KDM4B: variants seen among roughly 807,000 people sequenced by gnomAD.
The protein encoded by KDM4B is lysine demethylase 4B, also known as lysine-specific demethylase 4B.
In KDM4B, 32 loss-of-function variants were observed where a neutral mutation model predicts 125.2. That is an observed-to-expected ratio of 0.26 (90% confidence interval 0.19 to 0.34). KDM4B has a LOEUF of 0.34. Ranked by LOEUF, KDM4B falls within the 10% of genes least tolerant of loss-of-function variation. The pLI is 1.00. For missense variants in KDM4B, 1,190 were observed against 1,577.7 expected (o/e 0.75, Z 4.16); for synonymous variants, 721 against 677.9 (o/e 1.06, Z -0.99).
chr19:5,123,753 G>A lies in KDM4B; in HGVS notation c.1315+3901G>A, dbSNP rs141493093. ...CAAGCTGGGCGCCTGAGCATGGGTC[G>A]TGCTGGTAGAGGATAAGTTCCTGGG... On this transcript the variant is annotated intron_variant, in intron 11 of 22. Coordinates refer to ENST00000159111, the MANE Select transcript of KDM4B (RefSeq NM_015015.3). Among the ~76,000 whole-genome samples the A allele has an allele frequency of 1.6e-3, 242 of 152,358 alleles. 1 individual carries two copies. Among genetic ancestry groups the A allele is most frequent in the African/African-American group, 5.6e-3 (234 of 41,584 alleles).
intron 21 of KDM4B, among the ~76,000 whole-genome samples, chr19:5,148,609 G>A (rs986699967): frequency 6.6e-6 from 1 of 152,214 alleles, no homozygotes; most frequent in Non-Finnish European, 1.5e-5. Flanking sequence ...GTGGGCCCTG[G>A]GACTCCTGCA....
intron 11 of KDM4B, among the ~76,000 whole-genome samples, chr19:5,127,173 A>C (rs2049792608): frequency 6.6e-6 from 1 of 152,152 alleles, no homozygotes; most frequent in Non-Finnish European, 1.5e-5. Flanking sequence ...CCTGGGCCCC[A>C]TCTGTACCAT....
intron 13 of KDM4B, 144 bp downstream of exon 13, chr19:5,132,151 C>A: frequency 1.9e-6 from 2 of 1,070,156 alleles, no homozygotes; most frequent in Non-Finnish European, 2.6e-6. Flanking sequence ...TGTGGCTCTG[C>A]CGTAGCGACA....
chr19:5,090,809 C>T (rs990321172), intron 9 of KDM4B, among the ~76,000 whole-genome samples: 9 of 151,114 alleles, frequency 6.0e-5, no homozygotes, highest in Admixed American at 2.0e-4. Flanking sequence ...TTCCCTTGCC[C>T]CACTTGGAGG....
rs372759986 is a variant in KDM4B at position 5,115,998 on chromosome 19, C to G, written c.1116-3655C>G. 4.6e-5 allele frequency among the ~76,000 whole-genome samples: 7 copies of G among 152,032 alleles called. No individual in the cohort carries two copies. Among genetic ancestry groups the G allele is most frequent in the African/African-American group, 1.7e-4 (7 of 41,402 alleles). On this transcript the variant is annotated intron_variant, in intron 10 of 22. Transcript: ENST00000159111. This position sits in a 1 kb window ranked among gnomAD's most constrained non-coding sequence, Gnocchi z 4.2. ...TTAAAAAGTCCACCAGAAAGTCCGC[C>G]CAAGAATGGAAATTACCCAAACCAC...
chr19:5,005,027 C>T (rs933161759), intron 1 of KDM4B, among the ~76,000 whole-genome samples: 5 of 152,218 alleles, frequency 3.3e-5, no homozygotes, highest in African/African-American at 7.2e-5. Context: ...TGTGTAGCGT[C>T]TTCCTTTTCT....
chr19:5,137,202 A>T (rs1041690986), intron 15 of KDM4B, 60 bp from the exon 16 acceptor site: 3 of 1,309,694 alleles, frequency 2.3e-6, no homozygotes, highest in Non-Finnish European at 3.2e-6. Context: ...CCTGAGTTTC[A>T]CTCGGCTCCC....
At chr19:5,055,939 C>T (rs892990476) in intron 6 of KDM4B, among the ~76,000 whole-genome samples, 8 of 152,168 alleles carry the variant, frequency 5.3e-5, no homozygotes, top group Non-Finnish European at 7.3e-5. Flanking sequence ...AACACTGATG[C>T]GTTATGAACT....
At position 5,093,810 on chromosome 19, in the gene KDM4B, A is replaced by G. The variant is rs368408620; in HGVS notation, c.918+11306A>G. On this transcript the variant is annotated intron_variant, in intron 9 of 22. Transcript: ENST00000159111. ...TGCTGGGAAGGCAGTGGATGAGGCC[A>G]TCGAGGTCCAGGGAGGAGACAGGAC... 2.4e-3 allele frequency among the ~76,000 whole-genome samples: 361 copies of G among 152,316 alleles called. 2 individuals are homozygous for G. Among genetic ancestry groups the G allele is most frequent in the African/African-American group, 8.2e-3 (340 of 41,578 alleles).
chr19:5,067,166 G>A (rs974873549), intron 6 of KDM4B, among the ~76,000 whole-genome samples: 32 of 152,082 alleles, frequency 2.1e-4, no homozygotes, highest in African/African-American at 7.0e-4. Context: ...ATACCCCAGG[G>A]CACCTGCTCC....
chr19:5,085,634 G>A (rs574705441), intron 9 of KDM4B, among the ~76,000 whole-genome samples: 1 of 152,362 alleles, frequency 6.6e-6, no homozygotes, highest in East Asian at 1.9e-4. Flanking sequence ...AGGGGTTCCA[G>A]GCAGGCGCCC....
intron 9 of KDM4B, among the ~76,000 whole-genome samples, chr19:5,091,055 A>G (rs1183942984): frequency 6.6e-6 from 1 of 152,164 alleles, no homozygotes; most frequent in East Asian, 1.9e-4. Flanking sequence ...TTCCTATTTC[A>G]CTCAAGGAAA....
At chr19:5,010,542 T>G (rs1014584520) in intron 1 of KDM4B, among the ~76,000 whole-genome samples, 1 of 152,240 alleles carries the variant, frequency 6.6e-6, no homozygotes, top group Non-Finnish European at 1.5e-5. Context: ...ATTCCCGTGG[T>G]GTTGGACTGG....
chr19:5,049,812 G>A (rs1157162200), intron 6 of KDM4B, among the ~76,000 whole-genome samples: 1 of 152,176 alleles, frequency 6.6e-6, no homozygotes, highest in African/African-American at 2.4e-5. Flanking sequence ...CAGGGGCCTG[G>A]CACAGAGAGG....
chr19:4,988,799 C>T (rs1480337674), intron 1 of KDM4B, among the ~76,000 whole-genome samples: 2 of 152,196 alleles, frequency 1.3e-5, no homozygotes, highest in African/African-American at 4.8e-5. Flanking sequence ...GCTTCCATCC[C>T]AGTCCTCCGG....
At chr19:5,006,865 C>T (rs889824630) in intron 1 of KDM4B, among the ~76,000 whole-genome samples, 14 of 152,170 alleles carry the variant, frequency 9.2e-5, no homozygotes, top group Non-Finnish European at 2.1e-4. Flanking sequence ...GGACGGCCTC[C>T]ATGTTCCGCT....
intron 9 of KDM4B, among the ~76,000 whole-genome samples, chr19:5,109,866 C>T (rs2039106816): frequency 1.3e-5 from 2 of 152,344 alleles, no homozygotes; most frequent in African/African-American, 2.4e-5. Flanking sequence ...TGTTGTCTCC[C>T]TTCTTCCCAG....
intron 1 of KDM4B, among the ~76,000 whole-genome samples, chr19:4,993,030 A>G (rs1231824533): frequency 2.0e-5 from 3 of 152,170 alleles, no homozygotes; most frequent in Non-Finnish European, 4.4e-5. Context: ...CTGAGAAGAG[A>G]ATATGTTCTA....
Position 5,142,391 on chromosome 19 carries a change from G to T in KDM4B, c.2551-1576G>T, listed in dbSNP as rs767134489. Among the ~76,000 whole-genome samples the T allele has an allele frequency of 2.6e-5, 4 of 152,188 alleles. No individual in the cohort carries two copies. The highest frequency in any genetic ancestry group is 9.7e-5 in the African/African-American group (4 of 41,444). ...GCGTGACTGGACCTCGCCTTAGTAG[G>T]GGTGGCTCTGGGCAACCTCGGCCCC... On this transcript the variant is annotated intron_variant, in intron 18 of 22. Transcript: ENST00000159111. This position sits in a 1 kb window ranked among gnomAD's most constrained non-coding sequence, Gnocchi z 5.4.
Sources: gnomAD v4.1 joint callset for allele counts (sites outside exome capture counted in the v4.1 genomes callset) on GRCh38, gnomAD v4.1.1 for gene constraint, Gnocchi (gnomAD v3.1) non-coding constraint, MANE v1.5 for transcripts, NCBI Gene and HGNC (gene_info 2026-07-23, HGNC 2026-07-21) for gene names.